ARHGAP25: variants seen among roughly 807,000 people sequenced by gnomAD.
ARHGAP25 encodes the protein Rho GTPase activating protein 25.
Under a neutral mutation model 71.0 loss-of-function variants are expected in ARHGAP25, and 34 were observed. That is an observed-to-expected ratio of 0.48 (90% CI 0.36 to 0.64). ARHGAP25 has a LOEUF of 0.64. Among genes scored for constraint, ARHGAP25 ranks in the 30% least tolerant of loss-of-function variants. ARHGAP25 has a pLI of 0.00. For synonymous variants in ARHGAP25, 282 were observed against 296.5 expected (o/e 0.95, Z 0.50); for missense variants, 706 against 805.1 (o/e 0.88, Z 1.49).
chr2:68,801,798 T>C (rs1187640125), intron 4 of ARHGAP25, among the ~76,000 whole-genome samples: 2 of 152,192 alleles, frequency 1.3e-5, no homozygotes, highest in African/African-American at 4.8e-5. Context: ...CAGGGAGCTC[T>C]ATGAGTAGAG....
upstream of ARHGAP25, among the ~76,000 whole-genome samples, chr2:68,730,627 T>C (rs375877979): frequency 2.0e-5 from 3 of 151,298 alleles, no homozygotes; most frequent in African/African-American, 4.9e-5. Context: ...TCCAGCCTGG[T>C]TGACAGAGTG....
intron 4 of ARHGAP25, among the ~76,000 whole-genome samples, chr2:68,800,569 G>A (rs1043465750): frequency 6.6e-6 from 1 of 152,074 alleles, no homozygotes; most frequent in African/African-American, 2.4e-5. Context: ...GGCTGGCATG[G>A]TCTGGCATTA....
intron 2 of ARHGAP25, among the ~76,000 whole-genome samples, chr2:68,724,159 C>A (rs544186604): frequency 6.6e-6 from 1 of 152,174 alleles, no homozygotes; most frequent in South Asian, 2.1e-4. Flanking sequence ...AGATGAGTGA[C>A]CTCTGGAGCT....
chr2:68,811,014 CTACAGACA>C (rs1205459659), intron 5 of ARHGAP25, among the ~76,000 whole-genome samples: 1 of 152,150 alleles, frequency 6.6e-6, no homozygotes, highest in Non-Finnish European at 1.5e-5. Context: ...AGTGCTGGGA[CTACAGACA>C]TAAGCCACTG....
intron 4 of ARHGAP25, among the ~76,000 whole-genome samples, chr2:68,795,899 T>C (rs899140997): frequency 7.9e-5 from 12 of 152,174 alleles, no homozygotes; most frequent in African/African-American, 2.7e-4. Flanking sequence ...ATCTCTTTTT[T>C]AGTTTTAGGT....
rs755053049 is a variant in ARHGAP25, at chr2:68,817,967, G to C, written c.976G>C (p.Val326Leu). Reference protein sequence around the residue: ...VIGVNLIRSKVEDPAVIMRGT... With the variant: ...VIGVNLIRSKLEDPAVIMRGT... ...TGGTGTGAATCTCATCAGGTCGAAG[G>C]TCGAAGACCCTGCCGTGATCATGAG... is the stretch of plus-strand genomic sequence containing the variant. The change falls in exon 8 of 11, where the codon GTC (valine) becomes CTC (leucine). Residue 326 changes from valine to leucine, a missense_variant. Val to Leu is a conservative substitution (Grantham distance 32, BLOSUM62 1). Coordinates refer to ENST00000409202, the MANE Select transcript of ARHGAP25 (RefSeq NM_001007231.3). 6.2e-7 allele frequency: 1 copy of C among 1,614,148 alleles called. No individual in the cohort carries two copies. The highest frequency in any genetic ancestry group is 1.7e-5 in the Admixed American group (1 of 60,032).
upstream of ARHGAP25, among the ~76,000 whole-genome samples, chr2:68,733,878 C>T (rs913054416): frequency 2.0e-5 from 3 of 152,152 alleles, no homozygotes; most frequent in Admixed American, 6.5e-5. Context: ...TCTACTAAAG[C>T]CTCACAACAG....
At chr2:68,732,837 A>C (rs1425453620), upstream of ARHGAP25, among the ~76,000 whole-genome samples, 3 of 152,206 alleles carry the variant, frequency 2.0e-5, no homozygotes, top group African/African-American at 7.2e-5. Context: ...TCATTCCTGA[A>C]GACAGGAGTA....
At chr2:68,775,198 G>A (rs757038694) in intron 1 of ARHGAP25, 23 bp from the exon 2 acceptor site, 4 of 1,614,224 alleles carry the variant, frequency 2.5e-6, no homozygotes, top group East Asian at 4.5e-5. Context: ...TCGGTCAGTC[G>A]GCCTGTCTGT....
At chr2:68,784,520 G>A (rs1395176806) in intron 3 of ARHGAP25, among the ~76,000 whole-genome samples, 1 of 151,890 alleles carries the variant, frequency 6.6e-6, no homozygotes, top group East Asian at 1.9e-4. Flanking sequence ...TTGGGGGCAG[G>A]CAACAATTTA....
intron 5 of ARHGAP25, among the ~76,000 whole-genome samples, 195 bp downstream of exon 5, chr2:68,807,675 G>A (rs772132918): frequency 6.6e-6 from 1 of 152,192 alleles, no homozygotes; most frequent in Non-Finnish European, 1.5e-5. Flanking sequence ...AGAGTGTGCA[G>A]ATAGTTTATG....
At chr2:68,822,299 G>A (rs1264238753) in intron 9 of ARHGAP25, 41 bp from the exon 10 acceptor site, 2 of 1,577,420 alleles carry the variant, frequency 1.3e-6, no homozygotes, top group African/African-American at 1.4e-5. Flanking sequence ...ACACACAGAG[G>A]TGAAAACCCC....
intron 2 of ARHGAP25, among the ~76,000 whole-genome samples, chr2:68,777,431 C>G (rs1678004292): frequency 6.6e-6 from 1 of 152,138 alleles, no homozygotes; most frequent in African/African-American, 2.4e-5. Flanking sequence ...TGATATAAAG[C>G]AGGTATAAAA....
intron 1 of ARHGAP25, among the ~76,000 whole-genome samples, chr2:68,741,821 C>A (rs1427487939): frequency 1.3e-5 from 2 of 152,166 alleles, no homozygotes; most frequent in Non-Finnish European, 2.9e-5. Flanking sequence ...AACGCAATTC[C>A]ATGACCACTC....
chr2:68,746,703 A>ACCCCC (rs370621628), intron 1 of ARHGAP25, among the ~76,000 whole-genome samples: 3 of 139,656 alleles, frequency 2.1e-5, no homozygotes, highest in Non-Finnish European at 4.7e-5. Flanking sequence ...GACAGGGACC[A>ACCCCC]CCCCCCTCCC....
chr2:68,765,887 G>T (rs1225141579), intron 1 of ARHGAP25, among the ~76,000 whole-genome samples: 1 of 152,124 alleles, frequency 6.6e-6, no homozygotes, highest in East Asian at 1.9e-4. Context: ...ACCTGTAGAG[G>T]CCCCAGAAAC....
At chr2:68,814,340 C>T (rs572137205) in intron 6 of ARHGAP25, among the ~76,000 whole-genome samples, 2 of 152,336 alleles carry the variant, frequency 1.3e-5, no homozygotes, top group Admixed American at 1.3e-4. Context: ...TGGTGACCAC[C>T]AGCCACACAT....
chr2:68,714,717 A>C (rs192642248), intron 2 of ARHGAP25, among the ~76,000 whole-genome samples: 1 of 152,210 alleles, frequency 6.6e-6, no homozygotes, highest in East Asian at 1.9e-4. Flanking sequence ...TACCTTATTT[A>C]TTTCTGCCTT....
chr2:68,824,490 C>T (rs1322894118), intron 10 of ARHGAP25, among the ~76,000 whole-genome samples: 1 of 152,178 alleles, frequency 6.6e-6, no homozygotes, highest in Non-Finnish European at 1.5e-5. Flanking sequence ...CGCTTGTAAT[C>T]CCAGCACTTT....
Sources: gnomAD v4.1 joint callset for allele counts (sites outside exome capture counted in the v4.1 genomes callset) on GRCh38, gnomAD v4.1.1 for gene constraint, MANE v1.5 for transcripts, NCBI Gene and HGNC (gene_info 2026-07-23, HGNC 2026-07-21) for gene names.